Variants in PTDSS2 observed in about 807,000 individuals in gnomAD.
The protein encoded by PTDSS2 is phosphatidylserine synthase 2, also known as PSS-2.
PTDSS2 carries 41 observed loss-of-function variants against 64.7 expected under a neutral mutation model. The ratio of observed to expected loss-of-function variants is 0.63; its 90% CI spans 0.49 to 0.82. The LOEUF is 0.82. Among genes scored for constraint, PTDSS2 ranks in the 40% least tolerant of loss-of-function variants. The pLI, the probability that PTDSS2 is intolerant of heterozygous loss-of-function variation, is 0.00. For synonymous variants in PTDSS2, 297 were observed against 277.8 expected (o/e 1.07, Z -0.69); for missense variants, 485 against 650.0 (o/e 0.75, Z 2.76).
At chr11:457,478 C>T (rs923007594) in intron 1 of PTDSS2, among the ~76,000 whole-genome samples, 2 of 152,146 alleles carry the variant, frequency 1.3e-5, no homozygotes, top group Non-Finnish European at 2.9e-5. Context: ...CATGATGTTG[C>T]CCCGGCTGGT....
At position 485,749 on chromosome 11, in the gene PTDSS2, C is replaced by T. The variant is rs1030566479; in HGVS notation, c.436-1190C>T. ...CGGGCGCGTGTGCTCACTGCGCAGG[C>T]GAGCGTAAACAGTGCACGGGCGCGC... On this transcript the variant is annotated intron_variant, in intron 4 of 11. Transcript: ENST00000308020. 1.4e-5 allele frequency among the ~76,000 whole-genome samples: 2 copies of T among 143,070 alleles called. 1 individual carries two copies. The allele number at this position is 143,070 out of a possible 152,430, so 93.9% of individuals were successfully genotyped here.
intron 6 of PTDSS2, 69 bp downstream of exon 6, chr11:487,539 C>A (rs377736508): frequency 4.8e-6 from 7 of 1,443,870 alleles, no homozygotes; most frequent in Non-Finnish European, 5.9e-6. Context: ...TGGACCGTTT[C>A]TGTCCATGGA....
rs759744532 is a variant in PTDSS2, at chr11:486,910, C to T, written c.436-29C>T. 8.2e-6 allele frequency: 13 copies of T among 1,585,346 alleles called. No homozygotes were observed. In the South Asian group the frequency reaches 1.0e-4, roughly 13 times the overall value. ...TTCAAGTTGCCACCACTAACTGTAG[C>T]CCCGCTGACGGGGGCACTGGCCTTG... On this transcript the variant is annotated intron_variant, in intron 4 of 11. Coordinates refer to ENST00000308020, the MANE Select transcript of PTDSS2 (RefSeq NM_030783.3).
rs1012503384 is a variant in PTDSS2, at chr11:479,450, C to T, written c.435+298C>T. ...TTAGCAGGGCCACACTTAAGGAGGGCAGGGCCAGTGGTGCAGGCACAGAAG... is the reference window on the plus strand; with the variant it reads ...TTAGCAGGGCCACACTTAAGGAGGGTAGGGCCAGTGGTGCAGGCACAGAAG... On this transcript the variant is annotated intron_variant, in intron 4 of 11. Transcript: ENST00000308020. This position sits in a 1 kb window ranked among gnomAD's most constrained non-coding sequence, Gnocchi z 4.2. The T allele has an allele frequency of 2.0e-6, 1 of 497,338 alleles. No homozygotes were observed. Among genetic ancestry groups the T allele is most frequent in the Non-Finnish European group, 3.7e-6 (1 of 273,054 alleles). The allele number at this position is 497,338 out of a possible 1,614,324, so 30.8% of individuals were successfully genotyped here.
intron 3 of PTDSS2, among the ~76,000 whole-genome samples, chr11:474,634 GT>G: frequency 1.3e-5 from 2 of 152,326 alleles, no homozygotes; most frequent in South Asian, 4.1e-4. Flanking sequence ...AGTGTACTCT[GT>G]CCCCCAAGTC....
chr11:484,688 GTGC>G (rs35275997), intron 4 of PTDSS2, among the ~76,000 whole-genome samples: 14,739 of 151,598 alleles, frequency 0.097, 985 homozygotes, highest in Admixed American at 0.19. Flanking sequence ...ACGGGCGTGT[GTGC>G]TGTGTGTGTG....
rs1847204689 is a variant in PTDSS2, at chr11:467,723, ACT to A, written c.285-6169_285-6168del. 3.3e-5 allele frequency among the ~76,000 whole-genome samples: 5 copies of A among 152,154 alleles called. 1 individual carries two copies. In the South Asian group the frequency reaches 1.0e-3, roughly 32 times the overall value. On this transcript the variant is annotated intron_variant, in intron 2 of 11. Transcript: ENST00000308020. ...ACTCCAGCCCGGGCAACAGTGCGAG[ACT>A]CTGTCTCAAAAAATATAGATATAGA...
chr11:451,232 C>A, intron 1 of PTDSS2: 1 of 299,896 alleles, frequency 3.3e-6, no homozygotes, highest in Non-Finnish European at 7.0e-6. Context: ...AGCGCCTCCT[C>A]CCTGCACAAC....
chr11:487,409 G>A lies in PTDSS2; in HGVS notation c.571-11G>A. 6 of 1,613,834 alleles carry A rather than the reference G, an allele frequency of 3.7e-6. No homozygotes were observed. Among genetic ancestry groups the A allele is most frequent in the East Asian group, 4.5e-5 (2 of 44,884 alleles). On this transcript the variant is annotated splice_polypyrimidine_tract_variant and intron_variant, in intron 5 of 11. Coordinates refer to ENST00000308020, the MANE Select transcript of PTDSS2 (RefSeq NM_030783.3). The stretch of plus-strand genomic sequence containing the variant: ...GCCCCAGGGTCAAGGGTCATACCCT[G>A]TCGCCCACAGGACAAGTTGGATGGC...
chr11:469,501 G>A (rs1432516562), intron 2 of PTDSS2, among the ~76,000 whole-genome samples: 1 of 151,328 alleles, frequency 6.6e-6, no homozygotes, highest in Non-Finnish European at 1.5e-5. Context: ...GAGGAGGGGA[G>A]TCTCTGGGTA....
upstream of PTDSS2, among the ~76,000 whole-genome samples, chr11:449,843 A>G (rs1488536821): frequency 1.3e-5 from 2 of 152,158 alleles, no homozygotes; most frequent in Non-Finnish European, 2.9e-5. Flanking sequence ...GCTACTCGGG[A>G]AGCTTGAGAC....
At position 489,644 on chromosome 11, in the gene PTDSS2, G is replaced by T; in HGVS notation, c.1026G>T (p.Pro342=). Reference sequence around the variant, plus strand: ...TGAAGTTTGTGCTGTGGATGCCCCCGGAGCACTACCTGGTCCTCCTGCGGC... The same window carrying T: ...TGAAGTTTGTGCTGTGGATGCCCCCTGAGCACTACCTGGTCCTCCTGCGGC... ...FYLKFVLWMP[P]EHYLVLLRLV... The change falls in exon 10 of 12, where the codon CCG becomes CCT. Residue 342 remains proline, a synonymous_variant. Transcript: ENST00000308020. The T allele has an allele frequency of 6.3e-7, 1 of 1,597,908 alleles. No individual in the cohort carries two copies. The highest frequency in any genetic ancestry group is 1.1e-5 in the South Asian group (1 of 88,966).
intron 3 of PTDSS2, among the ~76,000 whole-genome samples, chr11:475,212 T>TGTTTGTGATA (rs1564979832): frequency 1.4e-5 from 1 of 70,876 alleles, no homozygotes; most frequent in African/African-American, 6.7e-5. Context: ...CATAATCACG[T>TGTTTGTGATA]CTTTGTGTAT....
At position 462,554 on chromosome 11, in the gene PTDSS2, T is replaced by C. The variant is rs1441307999; in HGVS notation, c.284+2266T>C. Among the ~76,000 whole-genome samples the C allele has an allele frequency of 6.6e-6, 1 of 152,208 alleles. No individual in the cohort carries two copies. Among genetic ancestry groups the C allele is most frequent in the Non-Finnish European group, 1.5e-5 (1 of 68,040 alleles). ...CTGGCACCTAGAACCTGCTCTGGGC[T>C]CCTTCCTGGAAGGCTCGGCTGCCCC... On this transcript the variant is annotated intron_variant, in intron 2 of 11. Coordinates refer to ENST00000308020, the MANE Select transcript of PTDSS2 (RefSeq NM_030783.3). The surrounding 1 kb of genome is among the most constrained non-coding windows in gnomAD (Gnocchi z 4.5).
At chr11:465,460 A>G (rs914142370) in intron 2 of PTDSS2, among the ~76,000 whole-genome samples, 10 of 149,570 alleles carry the variant, frequency 6.7e-5, no homozygotes, top group South Asian at 4.2e-4. Flanking sequence ...GATGTGAGCT[A>G]TCATGCCCAG....
intron 1 of PTDSS2, among the ~76,000 whole-genome samples, chr11:450,878 C>T (rs1209261826): frequency 6.6e-6 from 1 of 151,912 alleles, no homozygotes; most frequent in Non-Finnish European, 1.5e-5. Context: ...GGCAGACCCT[C>T]CCTGCGGCCG....
intron 3 of PTDSS2, among the ~76,000 whole-genome samples, chr11:475,623 G>A (rs533431223): frequency 2.0e-4 from 31 of 152,358 alleles, no homozygotes; most frequent in Non-Finnish European, 2.9e-4. Flanking sequence ...TCCTGAACAC[G>A]TGGCTTTGTG....
chr11:488,454 T>A (rs1848506265), intron 7 of PTDSS2, 75 bp from the exon 8 acceptor site: 3 of 1,402,212 alleles, frequency 2.1e-6, no homozygotes, highest in Non-Finnish European at 3.0e-6. Flanking sequence ...TCGGTTCCCC[T>A]GTGCTCTTCC....
Position 490,598 on chromosome 11 carries a change from C to T in PTDSS2, c.*16C>T, listed in dbSNP as rs756444492. 1.3e-6 allele frequency: 2 copies of T among 1,562,020 alleles called. No individual in the cohort carries two copies. The highest frequency in any genetic ancestry group is 1.7e-6 in the Non-Finnish European group (2 of 1,152,900). ...TCCAAACTGACCTGGGCCGTGGCTG[C>T]CTCGTGAGCCTCCCAGAGCCCAGGC... On this transcript the variant is annotated 3_prime_UTR_variant, in exon 12 of 12. Coordinates refer to ENST00000308020, the MANE Select transcript of PTDSS2 (RefSeq NM_030783.3).
Sources: gnomAD v4.1 joint callset for allele counts (sites outside exome capture counted in the v4.1 genomes callset) on GRCh38, gnomAD v4.1.1 for gene constraint, Gnocchi (gnomAD v3.1) non-coding constraint, MANE v1.5 for transcripts, NCBI Gene and HGNC (gene_info 2026-07-23, HGNC 2026-07-21) for gene names.